The following ETF1 variants were observed in gnomAD, a reference collection of about 807,000 sequenced individuals.
ETF1 encodes eukaryotic peptide chain release factor subunit 1.
ETF1 carries 4 observed loss-of-function variants against 55.1 expected under a neutral mutation model. The ratio of observed to expected loss-of-function variants is 0.07; its 90% confidence interval spans 0.04 to 0.17. The LOEUF (loss-of-function observed/expected upper bound fraction) is 0.17. ETF1 is among the 10% of genes least tolerant of loss of function. The probability of loss-of-function intolerance (pLI) is 1.00; values close to 1 mark genes in which losing one functional copy is unlikely to be tolerated. For missense variants in ETF1, 142 were observed against 523.6 expected (o/e 0.27, Z 7.11); for synonymous variants, 157 against 182.3 (o/e 0.86, Z 1.12).
chr5:138,517,665 T>C lies in ETF1; in HGVS notation c.298A>G (p.Ile100Val). The C allele has an allele frequency of 6.3e-7, 1 of 1,589,336 alleles. No individual in the cohort carries two copies. The highest frequency in any genetic ancestry group is 8.6e-7 in the Non-Finnish European group (1 of 1,163,336). Residue 100 changes from isoleucine (I) to valine (V), a missense_variant, in exon 4 of 11, where the codon ATT becomes GTT. Around this residue, in one of 5 missense-constraint regions of ETF1, gnomAD observed 14 missense variants for 22.3 expected, o/e 0.63. Transcript: ENST00000360541. ...PNGLVVYCGT[I>V]VTEEGKEKKV... ...TTTTCCTTTCCTTCTTCTGTTACAA[T>C]TGTTCCACAGTATACAACCAGACCA...
At chr5:138,523,047 T>TAC (rs1368465911) in intron 2 of ETF1, among the ~76,000 whole-genome samples, 1 of 150,776 alleles carries the variant, frequency 6.6e-6, no homozygotes, top group Non-Finnish European at 1.5e-5. Context: ...ACCCTTACAC[T>TAC]ACATCAAGTA....
intron 6 of ETF1, chr5:138,511,973 A>C: frequency 1.4e-6 from 1 of 727,348 alleles, no homozygotes; most frequent in Non-Finnish European, 1.7e-6. Flanking sequence ...TAGGAGAGGC[A>C]GACAGCTTGA....
At chr5:138,542,330 G>A (rs1766213611) in intron 2 of ETF1, among the ~76,000 whole-genome samples, 1 of 152,210 alleles carries the variant, frequency 6.6e-6, no homozygotes, top group Admixed American at 6.5e-5. Context: ...GAAAGAAGCT[G>A]TCCCTGGCCA....
chr5:138,542,801 AGGGCACGGAGG>A (rs774558982), intron 2 of ETF1, 21 bp downstream of exon 2: 1 of 1,609,762 alleles, frequency 6.2e-7, no homozygotes, highest in Non-Finnish European at 8.5e-7. Flanking sequence ...GGGAACCAAG[AGGGCACGGAGG>A]GTGCCGGACG....
intron 2 of ETF1, among the ~76,000 whole-genome samples, chr5:138,537,149 G>A (rs1381654700): frequency 6.6e-6 from 1 of 152,102 alleles, no homozygotes; most frequent in Non-Finnish European, 1.5e-5. Flanking sequence ...CTACATACTT[G>A]GAGGAAACTA....
At chr5:138,534,686 G>C (rs1765840796) in intron 2 of ETF1, among the ~76,000 whole-genome samples, 1 of 152,224 alleles carries the variant, frequency 6.6e-6, no homozygotes, top group Admixed American at 6.5e-5. Flanking sequence ...CTTTCAGAAG[G>C]GAATGGGAGA....
chr5:138,533,780 C>T (rs1391009336), intron 2 of ETF1, among the ~76,000 whole-genome samples: 1 of 152,202 alleles, frequency 6.6e-6, no homozygotes, highest in Non-Finnish European at 1.5e-5. Context: ...TCTTTCACTG[C>T]ACCTAAAAGT....
intron 2 of ETF1, 28 bp from the exon 3 acceptor site, chr5:138,518,895 G>T (rs779977457): frequency 3.7e-6 from 6 of 1,605,358 alleles, no homozygotes; most frequent in South Asian, 3.3e-5. Context: ...ACTCATTAGG[G>T]ATTTAAATAT....
Position 138,513,009 on chromosome 5 carries a change from C to CT in ETF1, c.542-56dup, listed in dbSNP as rs1246036341. 1.3e-5 allele frequency: 19 copies of CT among 1,456,480 alleles called. No individual in the cohort carries two copies. In the African/African-American group the frequency reaches 2.7e-4, roughly 20 times the overall value. The allele number at this position is 1,456,480 out of a possible 1,614,324, so 90.2% of individuals were successfully genotyped here. A position where few individuals can be genotyped will look rare whatever the true frequency, so the allele number is the denominator to read the frequency against. Reference sequence around the variant, plus strand: ...GCAATTATTAAGAACTACAAGATGTCTTCAAATTAAAAATAAAATAATCAT... The same window carrying CT: ...GCAATTATTAAGAACTACAAGATGTCTTTCAAATTAAAAATAAAATAATCAT... On this transcript the variant is annotated intron_variant, in intron 5 of 10. Transcript: ENST00000360541.
intron 9 of ETF1, 74 bp from the exon 10 acceptor site, chr5:138,508,890 C>T: frequency 1.3e-6 from 2 of 1,545,900 alleles, no homozygotes; most frequent in Non-Finnish European, 1.7e-6. Context: ...TCTCACAGCC[C>T]CTTGCCCACC....
In ETF1 at chr5:138,526,440, T is replaced by C. The variant is rs1021651844; in HGVS notation, c.87-7573A>G. Among the ~76,000 whole-genome samples the C allele has an allele frequency of 2.0e-5, 3 of 152,172 alleles. No homozygotes were observed. The South Asian group carries it at 6.2e-4, about 32-fold the overall frequency. On this transcript the variant is annotated intron_variant, in intron 2 of 10. Coordinates refer to ENST00000360541, the MANE Select transcript of ETF1 (RefSeq NM_004730.4). ...TACTATAGTGTCTTCGGTATTTGCA[T>C]TGGGAAGGGATCTCATTAACAGGAC...
At chr5:138,539,250 T>A (rs986987057) in intron 2 of ETF1, among the ~76,000 whole-genome samples, 4 of 152,224 alleles carry the variant, frequency 2.6e-5, no homozygotes, top group African/African-American at 4.8e-5. Flanking sequence ...AGGCTCTAGT[T>A]ATGATTTTAT....
At chr5:138,532,199 T>C (rs1304247670) in intron 2 of ETF1, among the ~76,000 whole-genome samples, 1 of 152,218 alleles carries the variant, frequency 6.6e-6, no homozygotes, top group Non-Finnish European at 1.5e-5. Context: ...ATTGTTTTAT[T>C]CACTGTGTGT....
intron 2 of ETF1, among the ~76,000 whole-genome samples, chr5:138,534,826 T>C (rs775807444): frequency 6.6e-6 from 1 of 152,204 alleles, no homozygotes; most frequent in Non-Finnish European, 1.5e-5. Flanking sequence ...GCTGTGATAT[T>C]AGGCAGCTAT....
chr5:138,532,587 A>G (rs1013177276), intron 2 of ETF1, among the ~76,000 whole-genome samples: 1 of 152,158 alleles, frequency 6.6e-6, no homozygotes, highest in Non-Finnish European at 1.5e-5. Flanking sequence ...GAGGGGAGAG[A>G]GGTAATATCA....
At chr5:138,514,443 C>T (rs1764934217) in intron 4 of ETF1, among the ~76,000 whole-genome samples, 1 of 152,082 alleles carries the variant, frequency 6.6e-6, no homozygotes, top group African/African-American at 2.4e-5. Context: ...TAGTCCCTAC[C>T]AGCTACTTGG....
chr5:138,541,084 C>G (rs753235120), intron 2 of ETF1, among the ~76,000 whole-genome samples: 2 of 152,196 alleles, frequency 1.3e-5, no homozygotes, highest in Non-Finnish European at 2.9e-5. Context: ...ATCCAGAGGT[C>G]ACATCCACCT....
intron 2 of ETF1, among the ~76,000 whole-genome samples, chr5:138,521,087 T>A (rs1765213792): frequency 6.6e-6 from 1 of 151,994 alleles, no homozygotes; most frequent in Non-Finnish European, 1.5e-5. Flanking sequence ...AACCCAAACA[T>A]CCACTGGTGG....
At chr5:138,508,453 G>A in intron 10 of ETF1, 66 bp from the exon 11 acceptor site, 1 of 1,603,714 alleles carries the variant, frequency 6.2e-7, no homozygotes, top group South Asian at 1.1e-5. Context: ...TAGGTGGCTG[G>A]TAAGGGAATA....
Sources: allele counts gnomAD v4.1 joint callset (sites outside exome capture counted in the v4.1 genomes callset), GRCh38; gene constraint gnomAD v4.1.1; regional missense constraint gnomAD v4.1.1; transcripts MANE v1.5; gene names NCBI Gene and HGNC (gene_info 2026-07-23, HGNC 2026-07-21).